The following SH3KBP1 variants were observed in gnomAD, a reference collection of about 807,000 sequenced individuals.
SH3KBP1 encodes the protein SH3 domain-containing kinase-binding protein 1.
A neutral mutation model predicts 50.1 loss-of-function variants in SH3KBP1; 8 were observed. The ratio of observed to expected loss-of-function variants is 0.16; its 90% CI spans 0.09 to 0.29. The LOEUF (loss-of-function observed/expected upper bound fraction) is 0.29, where lower values mean the gene tolerates loss of function less well. Ranked by LOEUF, SH3KBP1 falls within the 10% of genes least tolerant of loss-of-function variation. The probability of loss-of-function intolerance (pLI) is 1.00; values close to 1 mark genes in which losing one functional copy is unlikely to be tolerated. For synonymous variants in SH3KBP1, 227 were observed against 218.6 expected (o/e 1.04, Z -0.34); for missense variants, 377 against 535.2 (o/e 0.70, Z 2.92).
chrX:19,771,621 T>TG (rs916698147), intron 2 of SH3KBP1, among the ~76,000 whole-genome samples: 1 of 111,637 alleles, frequency 9.0e-6, no homozygotes, highest in Non-Finnish European at 1.9e-5. Context: ...TCCAGCACTT[T>TG]GGGGGGCCAA....
At chrX:19,612,695 C>T (rs1312714211) in intron 8 of SH3KBP1, among the ~76,000 whole-genome samples, 1 of 111,859 alleles carries the variant, frequency 8.9e-6, no homozygotes, top group Admixed American at 9.5e-5. Flanking sequence ...GGAGATGAAT[C>T]CAGGGGAGAA....
At chrX:19,710,273 C>A (rs765084581) in intron 3 of SH3KBP1, among the ~76,000 whole-genome samples, 2 of 112,653 alleles carry the variant, frequency 1.8e-5, no homozygotes, top group East Asian at 2.8e-4. Context: ...AGCGTCTCCA[C>A]GCTACGGATG....
At chrX:19,763,847 C>A (rs1287929454) in intron 2 of SH3KBP1, among the ~76,000 whole-genome samples, 2 of 108,388 alleles carry the variant, frequency 1.8e-5, no homozygotes, top group African/African-American at 6.7e-5. Flanking sequence ...CATGGTGAAA[C>A]CCCGTCTACA....
intron 2 of SH3KBP1, among the ~76,000 whole-genome samples, chrX:19,823,436 C>T (rs1267548631): frequency 8.9e-6 from 1 of 111,896 alleles, no homozygotes; most frequent in East Asian, 2.8e-4. Flanking sequence ...GGTCTGAGGT[C>T]TCCATTTCTT....
chrX:19,629,596 C>T (rs2061531579), intron 8 of SH3KBP1, among the ~76,000 whole-genome samples: 1 of 111,143 alleles, frequency 9.0e-6, no homozygotes, highest in African/African-American at 3.3e-5. Context: ...CAACTCAAGC[C>T]TGTGCTTAGC....
At chrX:19,626,022 T>C (rs1199284860) in intron 8 of SH3KBP1, among the ~76,000 whole-genome samples, 10 of 111,175 alleles carry the variant, frequency 9.0e-5, no homozygotes, top group Non-Finnish European at 1.7e-4. Context: ...GGGGTTGCTG[T>C]GAAGATGAGG....
intron 6 of SH3KBP1, among the ~76,000 whole-genome samples, chrX:19,677,377 C>G (rs1014721998): frequency 5.4e-5 from 6 of 111,570 alleles, no homozygotes; most frequent in African/African-American, 2.0e-4. Context: ...AGGTGGGAGA[C>G]AGAGGTACCA....
At chrX:19,539,857 G>A (rs1293456902) in intron 16 of SH3KBP1, among the ~76,000 whole-genome samples, 2 of 111,988 alleles carry the variant, frequency 1.8e-5, no homozygotes, top group Non-Finnish European at 3.8e-5. Context: ...AGAGGCCACT[G>A]TGGGGTGTTG....
intron 2 of SH3KBP1, among the ~76,000 whole-genome samples, chrX:19,829,971 T>G (rs2067818036): frequency 1.8e-5 from 2 of 111,315 alleles, no homozygotes; most frequent in Admixed American, 9.6e-5. Context: ...ATGGCATCTG[T>G]CAACTGTCAT....
At chrX:19,728,137 C>A (rs2064275579) in intron 3 of SH3KBP1, among the ~76,000 whole-genome samples, 1 of 111,769 alleles carries the variant, frequency 8.9e-6, no homozygotes, top group Non-Finnish European at 1.9e-5. Context: ...TTGAATATCC[C>A]TCATCAGAAA....
At chrX:19,599,944 G>A (rs994038975) in intron 9 of SH3KBP1, among the ~76,000 whole-genome samples, 2 of 109,323 alleles carry the variant, frequency 1.8e-5, no homozygotes, top group Non-Finnish European at 3.8e-5. Flanking sequence ...TCAGGAGATC[G>A]AAACCACGGT....
chrX:19,538,703 C>T (rs948925174), intron 16 of SH3KBP1, among the ~76,000 whole-genome samples: 36 of 110,370 alleles, frequency 3.3e-4, no homozygotes, highest in African/African-American at 1.2e-3. Flanking sequence ...TCTCCTGCCT[C>T]AGCCTCCCGA....
At chrX:19,606,438 T>C (rs778845765) in intron 9 of SH3KBP1, among the ~76,000 whole-genome samples, 3 of 112,920 alleles carry the variant, frequency 2.7e-5, no homozygotes, top group Admixed American at 1.9e-4. Flanking sequence ...TTTAGTATCT[T>C]TTCTTCTCAG....
intron 5 of SH3KBP1, chrX:19,687,656 C>G (rs766365877): frequency 1.7e-6 from 2 of 1,209,095 alleles, no homozygotes; most frequent in East Asian, 5.9e-5. Context: ...CCCGGTGCAG[C>G]TCGGTACAGA....
intron 3 of SH3KBP1, among the ~76,000 whole-genome samples, chrX:19,737,765 CTTCCACTCATGTGTCT>C (rs1232254154): frequency 4.3e-4 from 48 of 112,169 alleles, no homozygotes; most frequent in Non-Finnish European, 4.9e-4. Context: ...CAGACTAGGA[CTTCCACTCATGTGTCT>C]AAGCCTCATT....
At chrX:19,772,728 T>C (rs1281966460) in intron 2 of SH3KBP1, among the ~76,000 whole-genome samples, 6 of 111,463 alleles carry the variant, frequency 5.4e-5, no homozygotes, top group Non-Finnish European at 9.4e-5. Flanking sequence ...GAAAAGTGTG[T>C]GGGTGGTTTG....
In SH3KBP1 at chrX:19,638,114, C is replaced by CA. The variant is rs373623210; in HGVS notation, c.803-6157dup. Among the ~76,000 whole-genome samples the CA allele has an allele frequency of 6.0e-3, 602 of 99,557 alleles. 12 individuals are homozygous for CA. The East Asian group carries it at 0.081, about 13-fold the overall frequency. 86.5% of individuals were successfully genotyped at this position (99,557 alleles called of 115,157 possible). A position where few individuals can be genotyped will look rare whatever the true frequency, so the allele number is the denominator to read the frequency against. The stretch of plus-strand genomic sequence containing the variant: ...AAACAAAAAAAAACAAACAAACAAA[C>CA]AAAAAAAAACAAAAGGCCGGGTGCG... On this transcript the variant is annotated intron_variant, in intron 7 of 17. Coordinates refer to ENST00000397821, the MANE Select transcript of SH3KBP1 (RefSeq NM_031892.3).
At chrX:19,783,698 T>G (rs1391205641) in intron 2 of SH3KBP1, among the ~76,000 whole-genome samples, 1 of 111,568 alleles carries the variant, frequency 9.0e-6, no homozygotes, top group Admixed American at 9.6e-5. Flanking sequence ...ATTAGTGTAT[T>G]CGAAATGTCT....
chrX:19,559,001 C>T (rs1026705934), intron 13 of SH3KBP1, among the ~76,000 whole-genome samples: 1 of 110,816 alleles, frequency 9.0e-6, no homozygotes, highest in Non-Finnish European at 1.9e-5. Context: ...GGTGTGGTGG[C>T]TCATGCCTGT....
Sources: gnomAD v4.1 joint callset for allele counts (sites outside exome capture counted in the v4.1 genomes callset) on GRCh38, gnomAD v4.1.1 for gene constraint, MANE v1.5 for transcripts, NCBI Gene and HGNC (gene_info 2026-07-23, HGNC 2026-07-21) for gene names.